Variants in ZNF646 observed in about 807,000 individuals in gnomAD.
ZNF646 encodes zinc finger protein 646.
In ZNF646, 49 loss-of-function variants were observed where a neutral mutation model predicts 115.4. The observed-to-expected ratio is 0.42, with a 90% confidence interval of 0.34 to 0.54. The LOEUF (loss-of-function observed/expected upper bound fraction) is 0.54, where lower values mean the gene tolerates loss of function less well. Among genes scored for constraint, ZNF646 ranks in the 20% least tolerant of loss-of-function variants. ZNF646 has a pLI of 0.04. For missense variants in ZNF646, 2,269 were observed against 2,457.9 expected, an observed-to-expected ratio of 0.92 and a Z score of 1.62; for synonymous variants, 933 against 939.0, an observed-to-expected ratio of 0.99 and a Z score of 0.12.
Position 31,077,572 on chromosome 16 carries a change from C to T in ZNF646, c.1248C>T (p.Leu416=). 6.2e-7 allele frequency: 1 copy of T among 1,613,336 alleles called. No homozygotes were observed. Among genetic ancestry groups the T allele is most frequent in the Non-Finnish European group, 8.5e-7 (1 of 1,179,614 alleles). Residue 416 remains leucine, a synonymous_variant, in exon 2 of 3, where the codon CTC becomes CTT. Transcript: ENST00000300850. ...CSKQLFNAAA[L]KNHVRAHHRP... ...AGCAGCTGTTCAATGCGGCTGCCCT[C>T]AAAAACCATGTGCGGGCTCATCACA...
rs1337502130 is a variant in ZNF646 at position 31,083,727 on chromosome 16, C to T, written c.*635C>T. 1 of 1,613,260 alleles carries T rather than the reference C, an allele frequency of 6.2e-7. No individual in the cohort carries two copies. The highest frequency in any genetic ancestry group is 1.3e-5 in the African/African-American group (1 of 74,922). On this transcript the variant is annotated 3_prime_UTR_variant, in exon 3 of 3. Coordinates refer to ENST00000300850, the MANE Select transcript of ZNF646 (RefSeq NM_014699.4). ...ATCACACATGACAGGGTGGGGAGGA[C>T]AGGGGCAGTAATGCCATTTGCCTGC...
chr16:31,083,417 T>C lies in ZNF646; in HGVS notation c.*325T>C, dbSNP rs2057191245. On this transcript the variant is annotated 3_prime_UTR_variant, in exon 3 of 3. Transcript: ENST00000300850. ...GTGGAAGGGAGCCTTTTGCTACAAT[T>C]TGTAACTTATTTTCTAAAGTCTATT... 1 of 1,271,334 alleles carries C rather than the reference T, an allele frequency of 7.9e-7. No individual in the cohort carries two copies. Among genetic ancestry groups the C allele is most frequent in the Non-Finnish European group, 1.0e-6 (1 of 985,528 alleles). 78.8% of individuals were successfully genotyped at this position (1,271,334 alleles called of 1,614,324 possible). A position where few individuals can be genotyped will look rare whatever the true frequency, so the allele number is the denominator to read the frequency against.
At position 31,083,410 on chromosome 16, in the gene ZNF646, C is replaced by G. The variant is rs1347248957; in HGVS notation, c.*318C>G. On this transcript the variant is annotated 3_prime_UTR_variant, in exon 3 of 3. Transcript: ENST00000300850. Reference sequence around the variant, plus strand: ...GTTGCCTGTGGAAGGGAGCCTTTTGCTACAATTTGTAACTTATTTTCTAAA... The same window carrying G: ...GTTGCCTGTGGAAGGGAGCCTTTTGGTACAATTTGTAACTTATTTTCTAAA... 7.9e-7 allele frequency: 1 copy of G among 1,262,012 alleles called. No homozygotes were observed. The highest frequency in any genetic ancestry group is 3.4e-5 in the East Asian group (1 of 29,764). The allele number at this position is 1,262,012 out of a possible 1,614,324, so 78.2% of individuals were successfully genotyped here.
In ZNF646 at chr16:31,079,077, A is replaced by G. The variant is rs1432383339; in HGVS notation, c.2753A>G (p.Glu918Gly). The change falls in exon 2 of 3, where the codon GAA becomes GGA. Residue 918 changes from glutamate to glycine, a missense_variant. Physicochemically the swap from Glu to Gly is moderately conservative, Grantham distance 98. This residue lies in a region of ZNF646 where 852 missense variants were observed against 900.2 expected (regional missense o/e 0.95). Coordinates refer to ENST00000300850, the MANE Select transcript of ZNF646 (RefSeq NM_014699.4). The surrounding 1 kb of genome is among the most constrained non-coding windows in gnomAD (Gnocchi z 5.5). Reference sequence around the variant, plus strand: ...ACTGAGGGCTCAGAGGAGGAGGGGGAAGAGGAAGGAGTGGCAGAGGCAGCC... The same window carrying G: ...ACTGAGGGCTCAGAGGAGGAGGGGGGAGAGGAAGGAGTGGCAGAGGCAGCC... Reference protein sequence around the residue: ...GMTEGSEEEGEEEGVAEAAPA... With the variant: ...GMTEGSEEEGGEEGVAEAAPA... 1.9e-6 allele frequency: 3 copies of G among 1,574,222 alleles called. No homozygotes were observed. Among genetic ancestry groups the G allele is most frequent in the Non-Finnish European group, 2.6e-6 (3 of 1,156,570 alleles).
In ZNF646 at chr16:31,080,806, CAGGA is replaced by C; in HGVS notation, c.4483_4486del (p.Arg1495ValfsTer15). ...CAGAGGAGCCAGAGGACAGTGTCCA[CAGGA>C]GTCCTTGCCACGCTGGTGACTGCCA... is the stretch of plus-strand genomic sequence containing the variant. On this transcript the variant is annotated frameshift_variant, in exon 2 of 3. Coordinates refer to ENST00000300850, the MANE Select transcript of ZNF646 (RefSeq NM_014699.4). LOFTEE classifies it high-confidence loss of function. 1 of 1,614,134 alleles carries C rather than the reference CAGGA, an allele frequency of 6.2e-7. No homozygotes were observed. The highest frequency in any genetic ancestry group is 8.5e-7 in the Non-Finnish European group (1 of 1,180,006).
At position 31,080,792 on chromosome 16, in the gene ZNF646, G is replaced by C. The variant is rs1463667217; in HGVS notation, c.4468G>C (p.Glu1490Gln). 6.2e-7 allele frequency: 1 copy of C among 1,614,098 alleles called. No individual in the cohort carries two copies. Among genetic ancestry groups the C allele is most frequent in the Non-Finnish European group, 8.5e-7 (1 of 1,180,000 alleles). ...PQFLTRSEEP[E>Q]DSVHRSPCHA... Reference sequence around the variant, plus strand: ...GTTCCTAACTAGGTCAGAGGAGCCAGAGGACAGTGTCCACAGGAGTCCTTG... The same window carrying C: ...GTTCCTAACTAGGTCAGAGGAGCCACAGGACAGTGTCCACAGGAGTCCTTG... The change falls in exon 2 of 3, where the codon GAG becomes CAG. Residue 1490 changes from glutamate to glutamine, a missense_variant. Physicochemically the swap from Glu to Gln is conservative, Grantham distance 29. Transcript: ENST00000300850.
At chr16:31,082,249 C>G (rs2057172639) in intron 2 of ZNF646, 1 of 176,212 alleles carries the variant, frequency 5.7e-6, no homozygotes, top group Non-Finnish European at 1.3e-5. Flanking sequence ...TTCCCTGCGC[C>G]TTGTCTCTGC....
At chr16:31,073,020 G>C (rs1470370067), upstream of ZNF646, 4 of 152,270 alleles carry the variant, frequency 2.6e-5, no homozygotes, top group East Asian at 7.7e-4. Flanking sequence ...GGAGTTTGAA[G>C]GGCGGTGGGG....
Position 31,081,677 on chromosome 16 carries a change from G to A in ZNF646, c.5353G>A (p.Glu1785Lys). The A allele has an allele frequency of 4.4e-6, 7 of 1,598,478 alleles. No homozygotes were observed. The highest frequency in any genetic ancestry group is 1.1e-5 in the South Asian group (1 of 89,152). The change falls in exon 2 of 3, where the codon GAG (glutamate) becomes AAG (lysine). Residue 1785 changes from glutamate to lysine, a missense_variant. By Grantham distance (56) the Glu-to-Lys change is moderately conservative (BLOSUM62 1). Transcript: ENST00000300850. ...SFVQHQQQHQ[E>K]EWTVAGSGAP... The stretch of plus-strand genomic sequence containing the variant: ...CGTGCAGCACCAGCAGCAGCACCAG[G>A]AGGAGTGGACGGTGGCCGGCTCCGG...
At position 31,079,089 on chromosome 16, in the gene ZNF646, T is replaced by TG; in HGVS notation, c.2767dup (p.Ala923GlyfsTer47). The TG allele has an allele frequency of 6.4e-7, 1 of 1,574,698 alleles. No individual in the cohort carries two copies. ...GAGGAGGAGGGGGAAGAGGAAGGAG[T>TG]GGCAGAGGCAGCCCCTGCACGCAGT... On this transcript the variant is annotated frameshift_variant, in exon 2 of 3. Transcript: ENST00000300850. LOFTEE classifies it high-confidence loss of function. This position sits in a 1 kb window ranked among gnomAD's most constrained non-coding sequence, Gnocchi z 5.5.
At position 31,076,667 on chromosome 16, in the gene ZNF646, C is replaced by G. The variant is rs2057080747; in HGVS notation, c.343C>G (p.Pro115Ala). ...GCCCCCACGCCCCAAGGAAGCCACT[C>G]CACACCTCCAGGGTGAGACGGTGTC... is the stretch of plus-strand genomic sequence containing the variant. ...HRPPRPKEATPHLQGETVSTD... is the reference protein window; with the variant it reads ...HRPPRPKEATAHLQGETVSTD... Residue 115 changes from proline (P) to alanine (A), a missense_variant, in exon 2 of 3, where the codon CCA (proline) becomes GCA (alanine). By Grantham distance (27) the Pro-to-Ala change is conservative. Coordinates refer to ENST00000300850, the MANE Select transcript of ZNF646 (RefSeq NM_014699.4). 6.2e-7 allele frequency: 1 copy of G among 1,613,120 alleles called. No individual in the cohort carries two copies. Among genetic ancestry groups the G allele is most frequent in the Non-Finnish European group, 8.5e-7 (1 of 1,179,678 alleles).
Position 31,081,092 on chromosome 16 carries a change from T to G in ZNF646, c.4768T>G (p.Cys1590Gly), listed in dbSNP as rs771369670. ...CGCCCAGACCTTTGCCTGTCCTGACTGTGGCAAAGCCTTTGAGTCCCACCA... is the reference window on the plus strand; with the variant it reads ...CGCCCAGACCTTTGCCTGTCCTGACGGTGGCAAAGCCTTTGAGTCCCACCA... The part of the protein sequence containing the change: ...IDAQTFACPD[C>G]GKAFESHQEL... Residue 1590 changes from cysteine to glycine, a missense_variant, in exon 2 of 3, where the codon TGT becomes GGT. By Grantham distance (159) the Cys-to-Gly change is radical. Transcript: ENST00000300850. 2.5e-6 allele frequency: 4 copies of G among 1,613,558 alleles called. No individual in the cohort carries two copies. The African/African-American group carries it at 4.0e-5, about 16-fold the overall frequency.
At chr16:31,082,576 C>T (rs2057177037) in intron 2 of ZNF646, 1 of 241,140 alleles carries the variant, frequency 4.1e-6, no homozygotes, top group South Asian at 6.3e-5. Context: ...GCCGCAGCTG[C>T]CAGGGAGTGG....
rs754666954 is a variant in ZNF646 at position 31,077,921 on chromosome 16, C to T, written c.1597C>T (p.Leu533Phe). Reference protein sequence around the residue: ...DIGAEGAPSHLKVELPPDPVE... With the variant: ...DIGAEGAPSHFKVELPPDPVE... ...CGGGGCTGAGGGTGCCCCCAGCCAC[C>T]TCAAGGTAGAACTCCCGCCTGACCC... is the stretch of plus-strand genomic sequence containing the variant. Residue 533 changes from leucine (L) to phenylalanine (F), a missense_variant, in exon 2 of 3, where the codon CTC becomes TTC. Around this residue, in one of 5 missense-constraint regions of ZNF646, gnomAD observed 852 missense variants for 900.2 expected, o/e 0.95. Transcript: ENST00000300850. The T allele has an allele frequency of 1.9e-6, 3 of 1,613,734 alleles. No homozygotes were observed. Among genetic ancestry groups the T allele is most frequent in the Admixed American group, 1.7e-5 (1 of 59,992 alleles).
Position 31,080,338 on chromosome 16 carries a change from C to T in ZNF646, c.4014C>T (p.Arg1338=), listed in dbSNP as rs2057138922. 1 of 1,613,616 alleles carries T rather than the reference C, an allele frequency of 6.2e-7. No individual in the cohort carries two copies. The highest frequency in any genetic ancestry group is 8.5e-7 in the Non-Finnish European group (1 of 1,179,932). ...CCTGCCCCAAGACCTACTCCAACCG[C>T]ATGGCCCTGAAGGACCACCAGAGGC... ...CPTCPKTYSN[R]MALKDHQRLH... The change falls in exon 2 of 3, where the codon CGC becomes CGT. Residue 1338 remains arginine (R), a synonymous_variant. Coordinates refer to ENST00000300850, the MANE Select transcript of ZNF646 (RefSeq NM_014699.4).
rs145616925 is a variant in ZNF646, at chr16:31,078,341, C to T, written c.2017C>T (p.Arg673Trp). Residue 673 changes from arginine (R) to tryptophan (W), a missense_variant, in exon 2 of 3, where the codon CGG becomes TGG. Physicochemically the swap from Arg to Trp is moderately radical, Grantham distance 101 (BLOSUM62 -3). Coordinates refer to ENST00000300850, the MANE Select transcript of ZNF646 (RefSeq NM_014699.4). ...LRRHSRRRSR[R>W]HRKRAGGASG... ...CCGGCACAGTCGGCGGCGGAGCAGG[C>T]GGCATCGGAAGCGGGCTGGCGGTGC... 6.6e-5 allele frequency: 107 copies of T among 1,613,468 alleles called. No homozygotes were observed. Among genetic ancestry groups the T allele is most frequent in the Non-Finnish European group, 7.7e-5 (91 of 1,179,860 alleles).
At position 31,076,501 on chromosome 16, in the gene ZNF646, C is replaced by T; in HGVS notation, c.177C>T (p.His59=). The part of the protein sequence containing the change: ...RCQQCGRGYR[H]PGSLVNHRRT... ...AGCAGTGTGGGCGGGGCTACCGTCA[C>T]CCCGGGAGCCTGGTTAACCATCGTC... Residue 59 remains histidine (H), a synonymous_variant, in exon 2 of 3, where the codon CAC becomes CAT. Coordinates refer to ENST00000300850, the MANE Select transcript of ZNF646 (RefSeq NM_014699.4). 6.2e-7 allele frequency: 1 copy of T among 1,613,928 alleles called. No homozygotes were observed. The highest frequency in any genetic ancestry group is 8.5e-7 in the Non-Finnish European group (1 of 1,179,956).
rs751962431 is a variant in ZNF646 at position 31,076,649 on chromosome 16, C to T, written c.325C>T (p.Arg109Cys). 2.5e-5 allele frequency: 41 copies of T among 1,612,848 alleles called. No homozygotes were observed. Among genetic ancestry groups the T allele is most frequent in the Middle Eastern group, 1.6e-4 (1 of 6,082 alleles). Residue 109 changes from arginine to cysteine, a missense_variant, in exon 2 of 3, where the codon CGC becomes TGC. This residue lies in a region of ZNF646 where 334 missense variants were observed against 323.5 expected (regional missense o/e 1.03). Coordinates refer to ENST00000300850, the MANE Select transcript of ZNF646 (RefSeq NM_014699.4). ...GGGCCGCCGCAGGCACAGGCCCCCA[C>T]GCCCCAAGGAAGCCACTCCACACCT... ...PEGRRRHRPP[R>C]PKEATPHLQG... is the part of the protein sequence containing the mutation.
In ZNF646 at chr16:31,083,490, A is replaced by C. The variant is rs773578863; in HGVS notation, c.*398A>C. The C allele has an allele frequency of 1.8e-4, 242 of 1,325,000 alleles. No individual in the cohort carries two copies. Among genetic ancestry groups the C allele is most frequent in the Admixed American group, 1.9e-4 (5 of 26,810 alleles). The allele number at this position is 1,325,000 out of a possible 1,614,324, so 82.1% of individuals were successfully genotyped here. ...AAAAAAAGGAAAACTGCTGCCCCCC[A>C]AAAAAAGAAATTTTCAAAACAACGT... is the stretch of plus-strand genomic sequence containing the variant. On this transcript the variant is annotated 3_prime_UTR_variant, in exon 3 of 3. Transcript: ENST00000300850.
Sources: allele counts gnomAD v4.1 joint callset, GRCh38; gene constraint gnomAD v4.1.1; regional missense constraint gnomAD v4.1.1; non-coding constraint Gnocchi (gnomAD v3.1); transcripts MANE v1.5; gene names NCBI Gene and HGNC (gene_info 2026-07-23, HGNC 2026-07-21).